PDE1A: variants seen among roughly 807,000 people sequenced by gnomAD.
The protein encoded by PDE1A is phosphodiesterase 1A.
A neutral mutation model predicts 61.7 loss-of-function variants in PDE1A; 35 were observed. The ratio of observed to expected loss-of-function variants is 0.57; its 90% CI spans 0.43 to 0.75. The LOEUF (loss-of-function observed/expected upper bound fraction) is 0.75. PDE1A is among the 30% of genes least tolerant of loss of function. The pLI is 0.00. For synonymous variants in PDE1A, 232 were observed against 213.2 expected (o/e 1.09, Z -0.77); for missense variants, 597 against 630.6 (o/e 0.95, Z 0.57).
At chr2:182,526,709 G>A (rs67611077), upstream of PDE1A, among the ~76,000 whole-genome samples, 10,030 of 152,214 alleles carry the variant, frequency 0.066, 356 homozygotes, top group Middle Eastern at 0.1. Flanking sequence ...GGCATCCAAG[G>A]TTACCTAGAA....
At chr2:182,577,957 GAA>G in the PDE1A span, among the ~76,000 whole-genome samples, 1 of 145,324 alleles carries the variant, frequency 6.9e-6, no homozygotes, top group African/African-American at 2.6e-5. Context: ...AGGAAGGAAG[GAA>G]GGAAGGAAGG....
chr2:182,689,876 C>T, the PDE1A span, among the ~76,000 whole-genome samples: 1 of 152,168 alleles, frequency 6.6e-6, no homozygotes, highest in Non-Finnish European at 1.5e-5. Flanking sequence ...GAAATACAAA[C>T]TACCATCAGA....
intron 13 of PDE1A, among the ~76,000 whole-genome samples, chr2:182,155,000 C>G (rs780182161): frequency 6.7e-6 from 1 of 149,234 alleles, no homozygotes; most frequent in Non-Finnish European, 1.5e-5. Context: ...TATCTGAAAT[C>G]TCTCACCTAT....
chr2:182,344,204 A>C (rs1698373963), intron 1 of PDE1A, among the ~76,000 whole-genome samples: 1 of 152,104 alleles, frequency 6.6e-6, no homozygotes, highest in South Asian at 2.1e-4. Flanking sequence ...CATCACTGAA[A>C]TTTAATTGAA....
At chr2:182,497,847 C>G (rs1265179456) in intron 2 of PDE1A, among the ~76,000 whole-genome samples, 2 of 151,614 alleles carry the variant, frequency 1.3e-5, no homozygotes, top group Non-Finnish European at 2.9e-5. Context: ...TTGAGTCCAT[C>G]CTGGCTAACA....
At chr2:182,166,746 G>C (rs1691672059), downstream of PDE1A, among the ~76,000 whole-genome samples, 1 of 152,118 alleles carries the variant, frequency 6.6e-6, no homozygotes, top group South Asian at 2.1e-4. Context: ...ATATTTTATA[G>C]CCAAGTTTTC....
chr2:182,608,878 G>C, the PDE1A span, among the ~76,000 whole-genome samples: 2 of 152,230 alleles, frequency 1.3e-5, no homozygotes, highest in Non-Finnish European at 2.9e-5. Flanking sequence ...GTGGGGACTT[G>C]TTGAATCTTT....
chr2:182,503,040 TACACACACACAC>T (rs35067674), intron 2 of PDE1A, among the ~76,000 whole-genome samples: 1 of 96,926 alleles, frequency 1.0e-5, no homozygotes, highest in Non-Finnish European at 2.2e-5. Flanking sequence ...CATTCTTTCT[TACACACACACAC>T]ACACACACAC....
intron 1 of PDE1A, among the ~76,000 whole-genome samples, chr2:182,389,892 C>T (rs1262513391): frequency 6.6e-6 from 1 of 152,182 alleles, no homozygotes; most frequent in African/African-American, 2.4e-5. Flanking sequence ...TGGATGCTTC[C>T]TGCCCTTGAA....
At chr2:182,502,385 T>C (rs981702367) in intron 2 of PDE1A, among the ~76,000 whole-genome samples, 1 of 152,136 alleles carries the variant, frequency 6.6e-6, no homozygotes, top group African/African-American at 2.4e-5. Context: ...TCCATTGTTT[T>C]TCTTACTCTC....
the PDE1A span, among the ~76,000 whole-genome samples, chr2:182,714,035 T>C: frequency 3.3e-5 from 5 of 152,228 alleles, no homozygotes; most frequent in Non-Finnish European, 5.9e-5. Flanking sequence ...TCTAACTTCC[T>C]TGATGTTTAG....
rs534112707 is a variant in PDE1A at position 182,498,906 on chromosome 2, G to GC, written c.101+23369dup. 3.9e-5 allele frequency among the ~76,000 whole-genome samples: 6 copies of GC among 152,076 alleles called. No homozygotes were observed. In the South Asian group the frequency reaches 1.0e-3, roughly 26 times the overall value. On this transcript the variant is annotated intron_variant, in intron 2 of 14. Transcript: ENST00000410103. ...TCGCAGTGAGCGGAAATGCGCCACT[G>GC]CACTCCAGCCTGGGCGACAGAGCGA...
At chr2:182,626,114 T>A in the PDE1A span, among the ~76,000 whole-genome samples, 1 of 152,192 alleles carries the variant, frequency 6.6e-6, no homozygotes, top group African/African-American at 2.4e-5. Flanking sequence ...ATGTTGGAAG[T>A]GCAGGAAGTG....
At chr2:182,505,186 T>C (rs185841945) in intron 2 of PDE1A, among the ~76,000 whole-genome samples, 1 of 152,354 alleles carries the variant, frequency 6.6e-6, no homozygotes, top group Admixed American at 6.5e-5. Flanking sequence ...AAAGATACTG[T>C]CAGCATAATC....
rs199544359 is a variant in PDE1A, at chr2:182,398,106, AAG to A, written c.53+28470_53+28471del. On this transcript the variant is annotated intron_variant, in intron 1 of 13. Coordinates refer to ENST00000351439, the Ensembl canonical transcript of PDE1A. ...ACTGGACACTGAAAAAAATGACAAA[AAG>A]AGAGAAAATGTAAGAAATAAAAAAA... Among the ~76,000 whole-genome samples, 902 of 152,154 alleles carry A rather than the reference AAG, an allele frequency of 5.9e-3. 5 individuals are homozygous for A. Among genetic ancestry groups the A allele is most frequent in the African/African-American group, 0.02 (830 of 41,532 alleles).
chr2:182,382,605 A>G (rs1211820453), intron 1 of PDE1A, among the ~76,000 whole-genome samples: 1 of 152,216 alleles, frequency 6.6e-6, no homozygotes, highest in African/African-American at 2.4e-5. Flanking sequence ...ACTAATAAAT[A>G]GGTGTCATAA....
the PDE1A span, among the ~76,000 whole-genome samples, chr2:182,669,764 G>A: frequency 6.6e-6 from 1 of 152,206 alleles, no homozygotes; most frequent in Non-Finnish European, 1.5e-5. Flanking sequence ...TACGCCATGT[G>A]TATGGTAAAC....
chr2:182,308,930 A>G (rs1166059938), intron 1 of PDE1A, among the ~76,000 whole-genome samples: 1 of 151,952 alleles, frequency 6.6e-6, no homozygotes, highest in Non-Finnish European at 1.5e-5. Flanking sequence ...AATCGTATTT[A>G]TGCCCTTATC....
chr2:182,595,189 G>A, the PDE1A span, among the ~76,000 whole-genome samples: 2 of 152,088 alleles, frequency 1.3e-5, no homozygotes, highest in African/African-American at 2.4e-5. Context: ...AGCAAGGCCT[G>A]AAGCTTCTGC....
Sources: gnomAD v4.1 joint callset for allele counts (sites outside exome capture counted in the v4.1 genomes callset) on GRCh38, gnomAD v4.1.1 for gene constraint, MANE v1.5 for transcripts, NCBI Gene and HGNC (gene_info 2026-07-23, HGNC 2026-07-21) for gene names.